ARHGEF28: variants seen among roughly 807,000 people sequenced by gnomAD.
ARHGEF28 encodes the protein Rho guanine nucleotide exchange factor 28.
ARHGEF28 carries 152 observed loss-of-function variants against 206.6 expected under a neutral mutation model. The ratio of observed to expected loss-of-function variants is 0.74; its 90% CI spans 0.64 to 0.84. ARHGEF28 has a LOEUF of 0.84. ARHGEF28 is among the 40% of genes least tolerant of loss of function. The pLI is 0.00. For missense variants in ARHGEF28, 2,028 were observed against 2,073.2 expected (o/e 0.98, Z 0.42); for synonymous variants, 763 against 776.4 (o/e 0.98, Z 0.29).
intron 34 of ARHGEF28, among the ~76,000 whole-genome samples, chr5:73,910,931 A>C (rs1035064456): frequency 5.9e-5 from 9 of 152,174 alleles, no homozygotes; most frequent in African/African-American, 2.2e-4. Context: ...AATTATGTTT[A>C]TTGCAAACTC....
At chr5:73,655,876 G>C (rs1198512353) in intron 1 of ARHGEF28, among the ~76,000 whole-genome samples, 1 of 152,208 alleles carries the variant, frequency 6.6e-6, no homozygotes, top group African/African-American at 2.4e-5. Flanking sequence ...CTGTAAAAGG[G>C]AAGAGTTTGG....
At chr5:73,894,913 GGA>G (rs1761870583) in intron 29 of ARHGEF28, among the ~76,000 whole-genome samples, 1 of 152,166 alleles carries the variant, frequency 6.6e-6, no homozygotes, top group African/African-American at 2.4e-5. Context: ...GTATCTTGAG[GGA>G]GAGTCTTCCA....
intron 2 of ARHGEF28, among the ~76,000 whole-genome samples, chr5:73,724,613 TA>T (rs1474271832): frequency 6.6e-6 from 1 of 152,176 alleles, no homozygotes; most frequent in Non-Finnish European, 1.5e-5. Flanking sequence ...CCTATAGCTG[TA>T]AAAGATAACA....
chr5:73,852,692 G>C lies in ARHGEF28; in HGVS notation c.1790G>C (p.Arg597Thr). ...TTATCGGAGCCACCAAGAGAAAACA[G>C]GTACTTTTAACTATTCCAATTTTCC... ...YSLSEPPREN[R>T]IQEEEWDKYI... Residue 597 changes from arginine (R) to threonine (T), a missense_variant and splice_region_variant, in exon 14 of 36, where the codon AGA becomes ACA. Physicochemically the swap from Arg to Thr is moderately conservative, Grantham distance 71 (BLOSUM62 -1). Coordinates refer to ENST00000513042, the MANE Select transcript of ARHGEF28 (RefSeq NM_001177693.2). 10 of 1,613,484 alleles carry C rather than the reference G, an allele frequency of 6.2e-6. No individual in the cohort carries two copies. Among genetic ancestry groups the C allele is most frequent in the Non-Finnish European group, 8.5e-6 (10 of 1,179,564 alleles).
intron 35 of ARHGEF28, among the ~76,000 whole-genome samples, chr5:73,914,966 C>A (rs1763126010): frequency 6.6e-6 from 1 of 152,158 alleles, no homozygotes; most frequent in African/African-American, 2.4e-5. Context: ...GTCTTGAACT[C>A]CTGGACTGAA....
At chr5:73,897,112 C>T (rs1313232737) in intron 29 of ARHGEF28, among the ~76,000 whole-genome samples, 1 of 152,230 alleles carries the variant, frequency 6.6e-6, no homozygotes, top group Non-Finnish European at 1.5e-5. Flanking sequence ...TTTCTTCTGT[C>T]TCTTCCTCTT....
chr5:73,801,280 A>G (rs1755112498), intron 9 of ARHGEF28, among the ~76,000 whole-genome samples: 1 of 151,912 alleles, frequency 6.6e-6, no homozygotes, highest in Non-Finnish European at 1.5e-5. Context: ...CCCGGTCTCT[A>G]CTAAAACTAC....
chr5:73,660,615 T>G (rs1410493452), intron 1 of ARHGEF28, among the ~76,000 whole-genome samples: 1 of 152,222 alleles, frequency 6.6e-6, no homozygotes, highest in African/African-American at 2.4e-5. Flanking sequence ...TCTTAAATAA[T>G]AAGACTTGAA....
chr5:73,675,065 G>A (rs1746568097), intron 1 of ARHGEF28, among the ~76,000 whole-genome samples: 1 of 152,196 alleles, frequency 6.6e-6, no homozygotes, highest in South Asian at 2.1e-4. Context: ...CTGATTTATA[G>A]TCAGTTGGTC....
intron 5 of ARHGEF28, among the ~76,000 whole-genome samples, chr5:73,774,509 A>G (rs547709512): frequency 1.3e-5 from 2 of 152,340 alleles, no homozygotes; most frequent in South Asian, 2.1e-4. Flanking sequence ...TCCAGCACAT[A>G]ATATTTGTTG....
intron 9 of ARHGEF28, among the ~76,000 whole-genome samples, chr5:73,799,957 G>A (rs1159509047): frequency 6.6e-6 from 1 of 152,060 alleles, no homozygotes; most frequent in African/African-American, 2.4e-5. Flanking sequence ...TGGCGCAAGT[G>A]CAAGAGAAGA....
In ARHGEF28 at chr5:73,638,984, C is replaced by T. The variant is rs143343229; in HGVS notation, c.-12+12662C>T. On this transcript the variant is annotated intron_variant, in intron 1 of 35. Coordinates refer to ENST00000513042, the MANE Select transcript of ARHGEF28 (RefSeq NM_001177693.2). ...TTTCCCTTCTTTAGAGTAGCTGGCG[C>T]TTGTAGCTAGTGTTTGTATGCAAAT... 1.1e-4 allele frequency among the ~76,000 whole-genome samples: 17 copies of T among 152,114 alleles called. No homozygotes were observed. In the East Asian group the frequency reaches 2.7e-3, roughly 24 times the overall value.
chr5:73,927,103 A>T (rs900564790), intron 35 of ARHGEF28, among the ~76,000 whole-genome samples: 2 of 152,176 alleles, frequency 1.3e-5, no homozygotes, highest in Non-Finnish European at 2.9e-5. Flanking sequence ...GCTCATGCCT[A>T]TAACCTCAAC....
Position 73,898,283 on chromosome 5 carries a change from G to A in ARHGEF28, c.3973+190G>A, listed in dbSNP as rs1249209382. On this transcript the variant is annotated intron_variant, in intron 30 of 35. Transcript: ENST00000513042. ...CATAGGCATATAATAATGACACTGGGGTTTCAAGTATGAGGATCTAAAGAG... is the reference window on the plus strand; with the variant it reads ...CATAGGCATATAATAATGACACTGGAGTTTCAAGTATGAGGATCTAAAGAG... 23 of 601,380 alleles carry A rather than the reference G, an allele frequency of 3.8e-5. No homozygotes were observed. In the Admixed American group the frequency reaches 7.1e-4, roughly 18 times the overall value. 37.3% of individuals were successfully genotyped at this position (601,380 alleles called of 1,614,324 possible).
At chr5:73,867,129 T>TATG (rs1193136042) in intron 18 of ARHGEF28, among the ~76,000 whole-genome samples, 12 of 152,324 alleles carry the variant, frequency 7.9e-5, no homozygotes, top group African/African-American at 2.6e-4. Flanking sequence ...TACCACATAT[T>TATG]ACTCCTCTTC....
At chr5:73,676,113 C>A (rs1469007201) in intron 1 of ARHGEF28, among the ~76,000 whole-genome samples, 3 of 148,622 alleles carry the variant, frequency 2.0e-5, no homozygotes, top group African/African-American at 7.4e-5. Flanking sequence ...TCTTGTCACC[C>A]AGGCCAGAGT....
intron 4 of ARHGEF28, among the ~76,000 whole-genome samples, chr5:73,756,690 T>A (rs966460549): frequency 1.2e-4 from 19 of 152,216 alleles, no homozygotes; most frequent in African/African-American, 4.3e-4. Context: ...TTAACAGATG[T>A]ATTTATCAGT....
At chr5:73,756,094 T>C (rs1752296452) in intron 4 of ARHGEF28, among the ~76,000 whole-genome samples, 3 of 152,194 alleles carry the variant, frequency 2.0e-5, no homozygotes. Flanking sequence ...GGTATTTTAG[T>C]TCTGGTGCTG....
intron 7 of ARHGEF28, among the ~76,000 whole-genome samples, chr5:73,792,370 G>T (rs1413897354): frequency 6.6e-6 from 1 of 152,120 alleles, no homozygotes; most frequent in Non-Finnish European, 1.5e-5. Context: ...TGCACTACCA[G>T]GTGTGAACAC....
Sources: allele counts gnomAD v4.1 joint callset (sites outside exome capture counted in the v4.1 genomes callset), GRCh38; gene constraint gnomAD v4.1.1; transcripts MANE v1.5; gene names NCBI Gene and HGNC (gene_info 2026-07-23, HGNC 2026-07-21).